The following ADAMTS16 variants were observed in gnomAD, a reference collection of about 807,000 sequenced individuals.
ADAMTS16 encodes the protein ADAM metallopeptidase with thrombospondin type 1 motif 16.
In ADAMTS16, 94 loss-of-function variants were observed where a neutral mutation model predicts 145.8. The ratio of observed to expected loss-of-function variants is 0.64; its 90% CI spans 0.55 to 0.77. ADAMTS16 has a LOEUF of 0.77. Ranked by LOEUF, ADAMTS16 falls within the 30% of genes least tolerant of loss-of-function variation. ADAMTS16 has a pLI of 0.00. For synonymous variants in ADAMTS16, 659 were observed against 604.3 expected, an observed-to-expected ratio of 1.09 and a Z score of -1.33; for missense variants, 1,585 against 1,591.5, an observed-to-expected ratio of 1.00 and a Z score of 0.07.
chr5:5,142,621 T>G (rs576723465), intron 2 of ADAMTS16, among the ~76,000 whole-genome samples: 2 of 152,318 alleles, frequency 1.3e-5, no homozygotes, highest in South Asian at 4.1e-4. Flanking sequence ...AACTTACTGT[T>G]GCCTGTCTAG....
intron 15 of ADAMTS16, 26 bp from the exon 16 acceptor site, chr5:5,239,655 G>A (rs1261800534): frequency 5.0e-6 from 8 of 1,609,254 alleles, no homozygotes; most frequent in Non-Finnish European, 6.0e-6. Flanking sequence ...ATGAAAAGCT[G>A]TATCTTCCCC....
chr5:5,187,595 T>C (rs1735540781), intron 5 of ADAMTS16, 130 bp from the exon 6 acceptor site: 1 of 692,764 alleles, frequency 1.4e-6, no homozygotes, highest in Non-Finnish European at 2.6e-6. Context: ...TACATCTGTC[T>C]GCCTAGCAAT....
chr5:5,233,814 G>A (rs1737012428), intron 12 of ADAMTS16, among the ~76,000 whole-genome samples: 1 of 152,182 alleles, frequency 6.6e-6, no homozygotes, highest in Non-Finnish European at 1.5e-5. Flanking sequence ...TCATGTGCGT[G>A]TGTCTTTATG....
chr5:5,315,122 C>T (rs118062984), intron 21 of ADAMTS16, among the ~76,000 whole-genome samples: 7 of 152,286 alleles, frequency 4.6e-5, no homozygotes, highest in Non-Finnish European at 1.0e-4. Context: ...GAAGCAAACA[C>T]GTCCTTCTTC....
chr5:5,309,856 GCA>G (rs1466870361), intron 21 of ADAMTS16, among the ~76,000 whole-genome samples: 5 of 149,946 alleles, frequency 3.3e-5, no homozygotes, highest in East Asian at 2.0e-4. Context: ...GTGTGTGTGT[GCA>G]TGTGATCAGA....
chr5:5,151,215 CTTATTTAT>C (rs3059259), intron 3 of ADAMTS16, among the ~76,000 whole-genome samples: 14,846 of 145,762 alleles, frequency 0.1, 982 homozygotes, highest in Non-Finnish European at 0.12. Context: ...TTTCTTTTCT[CTTATTTAT>C]TTATTTATTT....
chr5:5,211,084 G>A (rs1736262384), intron 10 of ADAMTS16, among the ~76,000 whole-genome samples: 1 of 152,182 alleles, frequency 6.6e-6, no homozygotes, highest in East Asian at 1.9e-4. Context: ...GATTATCAGA[G>A]TTGTGCTGAC....
intron 3 of ADAMTS16, among the ~76,000 whole-genome samples, chr5:5,151,050 T>C (rs945344126): frequency 5.9e-5 from 9 of 152,114 alleles, no homozygotes; most frequent in African/African-American, 2.2e-4. Flanking sequence ...AGTTCACTGA[T>C]TTTTTCCTGG....
At chr5:5,159,382 A>G (rs529181687) in intron 3 of ADAMTS16, among the ~76,000 whole-genome samples, 1 of 152,296 alleles carries the variant, frequency 6.6e-6, no homozygotes, top group Non-Finnish European at 1.5e-5. Flanking sequence ...TTCTTAATTC[A>G]CAATTAACAC....
intron 10 of ADAMTS16, 64 bp from the exon 11 acceptor site, chr5:5,222,725 T>A (rs1736641837): frequency 2.2e-6 from 3 of 1,350,898 alleles, no homozygotes; most frequent in Admixed American, 3.4e-5. Context: ...CTCAGTGATA[T>A]TTTTATTATA....
At position 5,274,104 on chromosome 5, in the gene ADAMTS16, T is replaced by C. The variant is rs893113083; in HGVS notation, c.2789+11321T>C. 5.3e-5 allele frequency among the ~76,000 whole-genome samples: 8 copies of C among 152,100 alleles called. No individual in the cohort carries two copies. In the South Asian group the frequency reaches 6.2e-4, roughly 12 times the overall value. ...CAACATTAAGCAGAAAGTAGAACAT[T>C]CCCATATATTTCCTAGGCCCACACT... On this transcript the variant is annotated intron_variant, in intron 18 of 22. Transcript: ENST00000274181.
rs1421825101 is a variant in ADAMTS16, at chr5:5,290,756, C to G, written c.2790-12512C>G. ...TGGGAGTTAATCAAGTTTTTAATAT[C>G]ATTTTTCTGTTTGAAATGAAGGATT... On this transcript the variant is annotated intron_variant, in intron 18 of 22. Transcript: ENST00000274181. 2.0e-5 allele frequency among the ~76,000 whole-genome samples: 3 copies of G among 152,176 alleles called. No homozygotes were observed. The South Asian group carries it at 6.2e-4, about 32-fold the overall frequency.
intron 20 of ADAMTS16, among the ~76,000 whole-genome samples, chr5:5,305,030 CAT>C (rs1561000263): frequency 2.0e-5 from 1 of 51,196 alleles, no homozygotes; most frequent in African/African-American, 7.3e-5. Flanking sequence ...CACACACACA[CAT>C]CCATCCCACA....
intron 18 of ADAMTS16, among the ~76,000 whole-genome samples, chr5:5,297,330 G>C (rs756316574): frequency 3.3e-5 from 5 of 152,214 alleles, no homozygotes; most frequent in African/African-American, 9.6e-5. Context: ...AAAAAGTAGA[G>C]TGCGTTGCTC....
intron 18 of ADAMTS16, among the ~76,000 whole-genome samples, chr5:5,294,335 G>T (rs1739445829): frequency 6.6e-6 from 1 of 152,158 alleles, no homozygotes; most frequent in Non-Finnish European, 1.5e-5. Context: ...AAGAGACAAA[G>T]GAAGATTTAT....
At chr5:5,261,564 G>A (rs1738028860) in intron 17 of ADAMTS16, among the ~76,000 whole-genome samples, 2 of 143,090 alleles carry the variant, frequency 1.4e-5, no homozygotes, top group Admixed American at 1.5e-4. Flanking sequence ...TCTGCTCACT[G>A]CAACCTCCAA....
At chr5:5,245,251 G>T (rs1737404860) in intron 17 of ADAMTS16, among the ~76,000 whole-genome samples, 4 of 152,210 alleles carry the variant, frequency 2.6e-5, no homozygotes, top group Admixed American at 2.0e-4. Flanking sequence ...TTTAAATTAT[G>T]TGGTATCTGA....
At chr5:5,156,170 G>T (rs1314924132) in intron 3 of ADAMTS16, among the ~76,000 whole-genome samples, 1 of 152,140 alleles carries the variant, frequency 6.6e-6, no homozygotes, top group Non-Finnish European at 1.5e-5. Flanking sequence ...ATAGTTCCAG[G>T]TTCACATCAG....
At chr5:5,226,943 C>T (rs749729879) in intron 11 of ADAMTS16, among the ~76,000 whole-genome samples, 4 of 152,196 alleles carry the variant, frequency 2.6e-5, no homozygotes, top group East Asian at 3.9e-4. Flanking sequence ...AGCTGAAATG[C>T]GTATCTGATG....
Sources: gnomAD v4.1 joint callset for allele counts (sites outside exome capture counted in the v4.1 genomes callset) on GRCh38, gnomAD v4.1.1 for gene constraint, MANE v1.5 for transcripts, NCBI Gene and HGNC (gene_info 2026-07-23, HGNC 2026-07-21) for gene names.